The following ERBB4 variants were observed in gnomAD, a reference collection of about 807,000 sequenced individuals.
The protein encoded by ERBB4 is receptor tyrosine-protein kinase erbB-4.
A neutral mutation model predicts 158.0 loss-of-function variants in ERBB4; 42 were observed. The ratio of observed to expected loss-of-function variants is 0.27; its 90% confidence interval spans 0.21 to 0.34. The LOEUF (loss-of-function observed/expected upper bound fraction) is 0.34. Ranked by LOEUF, ERBB4 falls within the 10% of genes least tolerant of loss-of-function variation. ERBB4 has a pLI of 1.00. For synonymous variants in ERBB4, 583 were observed against 558.7 expected (o/e 1.04, Z -0.61); for missense variants, 1,333 against 1,624.1 (o/e 0.82, Z 3.08).
At chr2:211,945,038 T>C (rs778365930) in intron 3 of ERBB4, among the ~76,000 whole-genome samples, 1 of 152,168 alleles carries the variant, frequency 6.6e-6, no homozygotes, top group Non-Finnish European at 1.5e-5. Flanking sequence ...ACTCTTGCTT[T>C]GTATAACACA....
chr2:211,905,647 CATATATATATATATATAT>C (rs56758130), intron 3 of ERBB4, among the ~76,000 whole-genome samples: 12 of 71,446 alleles, frequency 1.7e-4, no homozygotes, highest in East Asian at 4.1e-4. Flanking sequence ...TAGGAAGGAT[CATATATATATATATATAT>C]ATATATATAT....
chr2:211,774,850 C>T (rs554757304), intron 4 of ERBB4, among the ~76,000 whole-genome samples: 2 of 152,196 alleles, frequency 1.3e-5, no homozygotes, highest in South Asian at 4.1e-4. Context: ...CTGATGTAAG[C>T]TTATGCAATG....
At chr2:212,376,964 C>T (rs922981221) in intron 1 of ERBB4, among the ~76,000 whole-genome samples, 3 of 151,846 alleles carry the variant, frequency 2.0e-5, no homozygotes, top group African/African-American at 4.8e-5. Flanking sequence ...TTTCATCTGT[C>T]TGTACCTAAC....
intron 1 of ERBB4, among the ~76,000 whole-genome samples, chr2:212,490,829 C>T (rs1034777693): frequency 4.6e-5 from 7 of 151,712 alleles, no homozygotes; most frequent in African/African-American, 1.7e-4. Flanking sequence ...GTAACTTTAG[C>T]AGTGTTTAGT....
At chr2:212,118,158 G>T (rs566339960) in intron 2 of ERBB4, among the ~76,000 whole-genome samples, 5 of 152,242 alleles carry the variant, frequency 3.3e-5, no homozygotes, top group Non-Finnish European at 7.4e-5. Context: ...ATTGCCAGAG[G>T]ACAATGAAAA....
At chr2:211,823,521 A>G (rs1294618644) in intron 3 of ERBB4, among the ~76,000 whole-genome samples, 1 of 151,932 alleles carries the variant, frequency 6.6e-6, no homozygotes, top group Non-Finnish European at 1.5e-5. Flanking sequence ...TTCTTTAAAA[A>G]ATCCCACTAA....
At chr2:212,054,678 T>C (rs2077499550) in intron 2 of ERBB4, among the ~76,000 whole-genome samples, 1 of 152,168 alleles carries the variant, frequency 6.6e-6, no homozygotes, top group Admixed American at 6.6e-5. Flanking sequence ...GGAAGTAAGC[T>C]GCGTGGGGAG....
rs2106087273 is a variant in ERBB4, at chr2:211,713,589, C to T, written c.943G>A (p.Val315Ile). 6.2e-7 allele frequency: 1 copy of T among 1,612,666 alleles called. No homozygotes were observed. The highest frequency in any genetic ancestry group is 1.3e-5 in the African/African-American group (1 of 74,746). Reference sequence around the variant, plus strand: ...CACATTTTAATCCCATTTTCTTCTACTTCCATCTTGGAACTAGGGCAGGCA... The same window carrying T: ...CACATTTTAATCCCATTTTCTTCTATTTCCATCTTGGAACTAGGGCAGGCA... ...VRACPSSKME[V>I]EENGIKMCKP... The change falls in exon 8 of 28, where the codon GTA becomes ATA. Residue 315 changes from valine to isoleucine, a missense_variant. This residue lies in a region of ERBB4 where 438 missense variants were observed against 586.9 expected (regional missense o/e 0.75). Transcript: ENST00000342788.
chr2:211,902,577 A>G lies in ERBB4; in HGVS notation c.421+44853T>C, dbSNP rs1342036532. On this transcript the variant is annotated intron_variant, in intron 3 of 27. Transcript: ENST00000342788. The stretch of plus-strand genomic sequence containing the variant: ...GCTATTGAAAAGAAATAAATTTTCT[A>G]GAATGAGTTTTGATTTTTTCCTTCT... 2.6e-5 allele frequency among the ~76,000 whole-genome samples: 4 copies of G among 151,930 alleles called. No individual in the cohort carries two copies. In the East Asian group the frequency reaches 7.7e-4, roughly 29 times the overall value.
intron 12 of ERBB4, among the ~76,000 whole-genome samples, chr2:211,683,299 A>G (rs1470040329): frequency 6.6e-6 from 1 of 152,112 alleles, no homozygotes; most frequent in Non-Finnish European, 1.5e-5. Flanking sequence ...TTAATTTTGT[A>G]CTTGTATCTT....
chr2:211,495,148 T>C (rs776191424), intron 20 of ERBB4, among the ~76,000 whole-genome samples: 31 of 152,136 alleles, frequency 2.0e-4, no homozygotes, highest in Middle Eastern at 6.8e-3. Context: ...ACTACACTTA[T>C]TGGACAAGGA....
At chr2:211,941,716 CTTT>C (rs57686734) in intron 3 of ERBB4, among the ~76,000 whole-genome samples, 31 of 132,956 alleles carry the variant, frequency 2.3e-4, no homozygotes, top group Admixed American at 3.0e-4. Flanking sequence ...ATTTGGAACA[CTTT>C]TTTTTTTTTT....
chr2:212,240,243 A>G, intron 1 of ERBB4, among the ~76,000 whole-genome samples: 1 of 152,188 alleles, frequency 6.6e-6, no homozygotes, highest in East Asian at 1.9e-4. Context: ...CCGCAGAAGC[A>G]AAAACGTCAC....
chr2:211,698,553 G>T (rs2073111881), intron 12 of ERBB4, among the ~76,000 whole-genome samples: 2 of 151,376 alleles, frequency 1.3e-5, no homozygotes, highest in Non-Finnish European at 2.9e-5. Flanking sequence ...ATATATTTTT[G>T]ATTGGTTTTA....
chr2:212,157,417 C>A (rs1474054506), intron 1 of ERBB4, among the ~76,000 whole-genome samples: 3 of 151,994 alleles, frequency 2.0e-5, no homozygotes, highest in Non-Finnish European at 4.4e-5. Flanking sequence ...ATTGAATTAA[C>A]CAGCAGGATT....
At position 211,852,636 on chromosome 2, in the gene ERBB4, C is replaced by CTTTTTTTT. The variant is rs10640429; in HGVS notation, c.422-64485_422-64478dup. Among the ~76,000 whole-genome samples the CTTTTTTTT allele has an allele frequency of 4.3e-3, 595 of 138,800 alleles. 10 individuals are homozygous for CTTTTTTTT. The highest frequency in any genetic ancestry group is 0.015 in the African/African-American group (546 of 37,500). 91.1% of individuals were successfully genotyped at this position (138,800 alleles called of 152,430 possible). A position where few individuals can be genotyped will look rare whatever the true frequency, so the allele number is the denominator to read the frequency against. On this transcript the variant is annotated intron_variant, in intron 3 of 27. Transcript: ENST00000342788. ...TTACTGTACATGGTACAATGGCCAA[C>CTTTTTTTT]TTTTTTTTTTTTTTTGCCGTTGCCA...
At chr2:211,544,231 T>C (rs1263697714) in intron 20 of ERBB4, among the ~76,000 whole-genome samples, 1 of 152,082 alleles carries the variant, frequency 6.6e-6, no homozygotes, top group Non-Finnish European at 1.5e-5. Flanking sequence ...TATATTGACA[T>C]ACATAGTCTG....
intron 1 of ERBB4, among the ~76,000 whole-genome samples, chr2:212,387,337 A>T (rs1574827107): frequency 6.6e-6 from 1 of 152,208 alleles, no homozygotes; most frequent in Non-Finnish European, 1.5e-5. Context: ...GAATGCATAC[A>T]GCAGCGTTGA....
At chr2:211,528,986 T>C (rs2066423212) in intron 20 of ERBB4, among the ~76,000 whole-genome samples, 1 of 149,888 alleles carries the variant, frequency 6.7e-6, no homozygotes, top group South Asian at 2.1e-4. Flanking sequence ...AATTAGTAGA[T>C]GAAAGAAAAT....
Sources: gnomAD v4.1 joint callset for allele counts (sites outside exome capture counted in the v4.1 genomes callset) on GRCh38, gnomAD v4.1.1 for gene constraint, gnomAD v4.1.1 regional missense constraint, MANE v1.5 for transcripts, NCBI Gene and HGNC (gene_info 2026-07-23, HGNC 2026-07-21) for gene names.